GLIS3: variants seen among roughly 807,000 people sequenced by gnomAD.
GLIS3 encodes GLIS family zinc finger 3, also known as zinc finger protein GLIS3.
A neutral mutation model predicts 78.6 loss-of-function variants in GLIS3; 53 were observed. The observed-to-expected ratio is 0.67, with a 90% CI of 0.54 to 0.85. GLIS3 has a LOEUF of 0.85. Ranked by LOEUF, GLIS3 falls within the 40% of genes least tolerant of loss-of-function variation. The pLI, the probability that GLIS3 is intolerant of heterozygous loss-of-function variation, is 0.00. For synonymous variants in GLIS3, 684 were observed against 509.9 expected (o/e 1.34, Z -4.60); for missense variants, 1,703 against 1,231.1 (o/e 1.38, Z -5.74).
rs759579412 is a variant in GLIS3 at position 4,245,541 on chromosome 9, T to C, written c.388+40497A>G. Among the ~76,000 whole-genome samples, 44 of 152,210 alleles carry C rather than the reference T, an allele frequency of 2.9e-4. 1 individual carries two copies. The highest frequency in any genetic ancestry group is 1.8e-3 in the Admixed American group (27 of 15,280). On this transcript the variant is annotated intron_variant, in intron 2 of 10. Transcript: ENST00000381971. ...TGAAAAATGCGAAGAGCTATATAAA[T>C]GTAAGGATGTGCAGTGGATGCTAAA...
intron 2 of GLIS3, among the ~76,000 whole-genome samples, chr9:4,329,788 G>A (rs1175307206): frequency 4.6e-5 from 7 of 152,050 alleles, no homozygotes; most frequent in Admixed American, 6.6e-5. Context: ...TCTTTACAAC[G>A]TATTAATACT....
intron 4 of GLIS3, chr9:4,071,674 C>T (rs1827626427): frequency 6.6e-6 from 1 of 152,172 alleles, no homozygotes; most frequent in Admixed American, 6.5e-5. Context: ...CTTACTATTA[C>T]ATGTCTGTTC....
the GLIS3 span, among the ~76,000 whole-genome samples, chr9:4,371,425 C>G: frequency 6.6e-6 from 1 of 152,214 alleles, no homozygotes; most frequent in Admixed American, 6.5e-5. Context: ...CTAAGCCTTT[C>G]CTTTGAACTT....
At chr9:3,857,023 A>C (rs1380357089) in intron 8 of GLIS3, among the ~76,000 whole-genome samples, 1 of 152,242 alleles carries the variant, frequency 6.6e-6, no homozygotes, top group Admixed American at 6.5e-5. Context: ...TATGCTTTCT[A>C]ACATTGAAGG....
the GLIS3 span, among the ~76,000 whole-genome samples, chr9:4,361,768 G>A: frequency 3.9e-5 from 6 of 152,190 alleles, no homozygotes; most frequent in Admixed American, 6.5e-5. Flanking sequence ...TTACCTTGTT[G>A]TAACATGATC....
intron 8 of GLIS3, among the ~76,000 whole-genome samples, chr9:3,860,206 C>T (rs2045198): frequency 0.63 from 89,472 of 143,088 alleles, 27,505 homozygotes; most frequent in South Asian, 0.71. Context: ...ATCCGGGAGG[C>T]GGAGCTTGCA....
At chr9:4,222,325 G>T (rs562303679) in intron 2 of GLIS3, among the ~76,000 whole-genome samples, 1 of 152,212 alleles carries the variant, frequency 6.6e-6, no homozygotes, top group African/African-American at 2.4e-5. Context: ...CCCACTACCT[G>T]CTTATTTAAC....
At position 4,040,300 on chromosome 9, in the gene GLIS3, AAC is replaced by A. The variant is rs1257639880; in HGVS notation, c.1710+77466_1710+77467del. ...ACTTCACAAGGTAAAAAAAACAAAAAACAAAAAACCTGCTACATTGAATATAT... is the reference window on the plus strand; with the variant it reads ...ACTTCACAAGGTAAAAAAAACAAAAAAAAAAACCTGCTACATTGAATATAT... On this transcript the variant is annotated intron_variant, in intron 4 of 10. Transcript: ENST00000381971. Among the ~76,000 whole-genome samples, 41 of 151,616 alleles carry A rather than the reference AAC, an allele frequency of 2.7e-4. 2 individuals carry two copies. The highest frequency in any genetic ancestry group is 7.7e-4 in the African/African-American group (32 of 41,324).
the GLIS3 span, among the ~76,000 whole-genome samples, chr9:4,451,370 A>T: frequency 6.6e-6 from 1 of 152,186 alleles, no homozygotes; most frequent in South Asian, 2.1e-4. Context: ...AGACCTACAA[A>T]GAGACTTAGA....
At chr9:3,898,936 A>C (rs1319397333) in intron 6 of GLIS3, 101 bp from the exon 7 acceptor site, 1 of 1,500,130 alleles carries the variant, frequency 6.7e-7, no homozygotes, top group Non-Finnish European at 9.2e-7. Context: ...CAGCCCACAA[A>C]AATTTATCAA....
rs12683029 is a variant in GLIS3 at position 4,082,571 on chromosome 9, C to T, written c.1710+35197G>A. 3.3e-5 allele frequency among the ~76,000 whole-genome samples: 5 copies of T among 152,226 alleles called. No individual in the cohort carries two copies. The East Asian group carries it at 7.7e-4, about 24-fold the overall frequency. On this transcript the variant is annotated intron_variant, in intron 4 of 10. Coordinates refer to ENST00000381971, the MANE Select transcript of GLIS3 (RefSeq NM_001042413.2). ...GCAGGCATGCTTCTCATTTATTACA[C>T]GAAGCTGAAATCTTCTGACAGTCCA...
the GLIS3 span, among the ~76,000 whole-genome samples, chr9:4,442,220 T>C: frequency 6.6e-6 from 1 of 152,234 alleles, no homozygotes; most frequent in African/African-American, 2.4e-5. Context: ...CCTTGTAGAT[T>C]TTCCAATTTG....
intron 4 of GLIS3, among the ~76,000 whole-genome samples, chr9:3,944,936 G>A (rs1372850291): frequency 6.6e-6 from 1 of 152,170 alleles, no homozygotes; most frequent in Non-Finnish European, 1.5e-5. Context: ...GAGAAAAGGG[G>A]GCAGAACACA....
At chr9:4,238,619 T>C (rs528406895) in intron 2 of GLIS3, among the ~76,000 whole-genome samples, 2 of 152,316 alleles carry the variant, frequency 1.3e-5, no homozygotes, top group South Asian at 4.1e-4. Context: ...TTTGCCAGTG[T>C]TCTCTCAGTT....
chr9:4,125,644 G>C, intron 3 of GLIS3, 90 bp downstream of exon 3: 1 of 870,542 alleles, frequency 1.1e-6, no homozygotes, highest in Non-Finnish European at 1.9e-6. Context: ...GTGTGTGTGT[G>C]TGTGTGTGTG....
intron 2 of GLIS3, among the ~76,000 whole-genome samples, chr9:4,155,227 A>G (rs1334378025): frequency 6.6e-6 from 1 of 152,240 alleles, no homozygotes; most frequent in Non-Finnish European, 1.5e-5. Flanking sequence ...TAATGTGTAA[A>G]ACACTAAAAA....
chr9:4,434,498 C>T, the GLIS3 span, among the ~76,000 whole-genome samples: 591 of 152,232 alleles, frequency 3.9e-3, 2 homozygotes, highest in African/African-American at 0.014. Context: ...GAGAAAATAG[C>T]ATCTCAGGCA....
intron 4 of GLIS3, among the ~76,000 whole-genome samples, chr9:3,985,634 C>G (rs923028881): frequency 6.6e-6 from 1 of 152,060 alleles, no homozygotes; most frequent in Non-Finnish European, 1.5e-5. Flanking sequence ...ATTAGATTCA[C>G]TATTTTCTAA....
chr9:4,119,912 G>A (rs1215955005), intron 3 of GLIS3, among the ~76,000 whole-genome samples: 1 of 152,204 alleles, frequency 6.6e-6, no homozygotes, highest in Non-Finnish European at 1.5e-5. Context: ...AAATAATTGA[G>A]AAGAAAAGAT....
Sources: allele counts gnomAD v4.1 joint callset (sites outside exome capture counted in the v4.1 genomes callset), GRCh38; gene constraint gnomAD v4.1.1; transcripts MANE v1.5; gene names NCBI Gene and HGNC (gene_info 2026-07-23, HGNC 2026-07-21).